CCDC112: variants seen among roughly 807,000 people sequenced by gnomAD.
CCDC112 encodes coiled-coil domain containing 112, also known as coiled-coil domain-containing protein 112.
A neutral mutation model predicts 66.3 loss-of-function variants in CCDC112; 40 were observed. That is an observed-to-expected ratio of 0.60 (90% CI 0.47 to 0.79). CCDC112 has a LOEUF of 0.79. Ranked by LOEUF, CCDC112 falls within the 30% of genes least tolerant of loss-of-function variation. CCDC112 has a pLI of 0.00. For missense variants in CCDC112, 659 were observed against 603.8 expected (o/e 1.09, Z -0.96); for synonymous variants, 214 against 197.2 (o/e 1.09, Z -0.71).
intron 2 of CCDC112, among the ~76,000 whole-genome samples, chr5:115,281,101 G>A (rs571150500): frequency 1.3e-5 from 2 of 150,780 alleles, no homozygotes; most frequent in African/African-American, 4.9e-5. Flanking sequence ...TCAGCTCACT[G>A]TAACCTCCGC....
chr5:115,288,138 G>A (rs1749762798), intron 1 of CCDC112, among the ~76,000 whole-genome samples: 2 of 151,944 alleles, frequency 1.3e-5, no homozygotes, highest in African/African-American at 2.4e-5. Flanking sequence ...CCACCACCAC[G>A]CCCAGCTAAT....
chr5:115,269,525 A>C, intron 8 of CCDC112, 178 bp downstream of exon 8: 1 of 533,342 alleles, frequency 1.9e-6, no homozygotes, highest in Non-Finnish European at 3.3e-6. Context: ...GACAGAATTC[A>C]AATAATGGTT....
At chr5:115,269,646 C>A (rs1393342465) in intron 8 of CCDC112, 57 bp downstream of exon 8, 3 of 1,177,820 alleles carry the variant, frequency 2.5e-6, no homozygotes, top group African/African-American at 3.1e-5. Flanking sequence ...ATGTCAGTAT[C>A]CTTACAAATC....
chr5:115,284,163 T>C (rs1002002948), intron 2 of CCDC112, among the ~76,000 whole-genome samples: 8 of 151,442 alleles, frequency 5.3e-5, no homozygotes, highest in Non-Finnish European at 8.8e-5. Context: ...TCTTCCTTAG[T>C]GAGATCACAC....
At chr5:115,296,387 C>A in intron 1 of CCDC112, 40 bp downstream of exon 1, 1 of 1,546,074 alleles carries the variant, frequency 6.5e-7, no homozygotes, top group Non-Finnish European at 8.6e-7. Flanking sequence ...TGCAGCCCCT[C>A]GCCTGCCGCC....
At chr5:115,281,601 GA>G (rs1749460815) in intron 2 of CCDC112, among the ~76,000 whole-genome samples, 1 of 152,142 alleles carries the variant, frequency 6.6e-6, no homozygotes, top group Non-Finnish European at 1.5e-5. Context: ...ATGATAAAAA[GA>G]AACGTCTGCC....
At chr5:115,276,145 T>A in intron 4 of CCDC112, 76 bp from the exon 5 acceptor site, 2 of 1,001,520 alleles carry the variant, frequency 2.0e-6, no homozygotes, top group Non-Finnish European at 1.5e-6. Context: ...GAAGAAAAAG[T>A]GGAATGTTCT....
intron 1 of CCDC112, 81 bp from the exon 2 acceptor site, chr5:115,284,989 T>G: frequency 7.6e-7 from 1 of 1,321,790 alleles, no homozygotes; most frequent in Non-Finnish European, 1.1e-6. Context: ...AGATAAAATG[T>G]CAATAGTTGA....
intron 1 of CCDC112, among the ~76,000 whole-genome samples, chr5:115,292,986 C>T (rs1749998744): frequency 6.6e-6 from 1 of 152,226 alleles, no homozygotes; most frequent in Non-Finnish European, 1.5e-5. Flanking sequence ...GTAACAAACT[C>T]ACCATAAGTG....
At position 115,278,882 on chromosome 5, in the gene CCDC112, A is replaced by G. The variant is rs561716133; in HGVS notation, c.361+765T>C. Among the ~76,000 whole-genome samples the G allele has an allele frequency of 1.8e-4, 27 of 152,324 alleles. No homozygotes were observed. In the South Asian group the frequency reaches 2.5e-3, roughly 14 times the overall value. ...TCTCATCTCTACATAGTAAGTCTTA[A>G]TATTTTATAAAGCTTAGTTATTTGA... is the stretch of plus-strand genomic sequence containing the variant. On this transcript the variant is annotated intron_variant, in intron 3 of 9. Transcript: ENST00000379611.
chr5:115,283,524 T>C (rs1197818737), intron 2 of CCDC112, among the ~76,000 whole-genome samples: 1 of 152,164 alleles, frequency 6.6e-6, no homozygotes, highest in African/African-American at 2.4e-5. Flanking sequence ...GTTAATTAGC[T>C]TGATTGTGGT....
In CCDC112 at chr5:115,271,532, T is replaced by C. The variant is rs1369360499; in HGVS notation, c.1013A>G (p.Asn338Ser). Residue 338 changes from asparagine to serine, a missense_variant, in exon 7 of 10, where the codon AAT becomes AGT. By Grantham distance (46) the Asn-to-Ser change is conservative. Coordinates refer to ENST00000379611, the MANE Select transcript of CCDC112 (RefSeq NM_001040440.3). ...TTGCTTTTGATTATCCTCTTGTTTATTATGAAAAAGCACAGGTGTGTTGTC... is the reference window on the plus strand; with the variant it reads ...TTGCTTTTGATTATCCTCTTGTTTACTATGAAAAAGCACAGGTGTGTTGTC... The part of the protein sequence containing the change: ...KADNTPVLFH[N>S]KQEDNQKQKE... The C allele has an allele frequency of 1.2e-6, 2 of 1,610,674 alleles. No homozygotes were observed. Among genetic ancestry groups the C allele is most frequent in the East Asian group, 2.2e-5 (1 of 44,766 alleles).
chr5:115,292,551 C>CG (rs1223273107), intron 1 of CCDC112, among the ~76,000 whole-genome samples: 1 of 152,178 alleles, frequency 6.6e-6, no homozygotes, highest in Non-Finnish European at 1.5e-5. Context: ...TACTTTCTTG[C>CG]CGTGTCTCAT....
chr5:115,296,457 G>T lies in CCDC112; in HGVS notation c.87C>A (p.Thr29=), dbSNP rs1287824101. ...AVAGAGAATG[T]GVGATPAPQQ... Reference sequence around the variant, plus strand: ...GAGGCGCTGGCGTCGCTCCCACGCCGGTCCCGGTGGCCGCGCCCGCCCCTG... The same window carrying T: ...GAGGCGCTGGCGTCGCTCCCACGCCTGTCCCGGTGGCCGCGCCCGCCCCTG... Residue 29 remains threonine (T), a synonymous_variant, in exon 1 of 10, where the codon ACC becomes ACA. Coordinates refer to ENST00000379611, the MANE Select transcript of CCDC112 (RefSeq NM_001040440.3). 1 of 1,563,014 alleles carries T rather than the reference G, an allele frequency of 6.4e-7. No homozygotes were observed. Among genetic ancestry groups the T allele is most frequent in the Non-Finnish European group, 8.6e-7 (1 of 1,162,000 alleles).
chr5:115,294,960 C>CT (rs1405309414), intron 1 of CCDC112, among the ~76,000 whole-genome samples: 3 of 152,144 alleles, frequency 2.0e-5, no homozygotes, highest in Admixed American at 2.0e-4. Context: ...TCTGCTTTCC[C>CT]TACTAAAGTG....
chr5:115,287,852 T>C (rs571675667), intron 1 of CCDC112, among the ~76,000 whole-genome samples: 129 of 152,190 alleles, frequency 8.5e-4, no homozygotes, highest in Admixed American at 3.1e-3. Context: ...TCTGCTTTTT[T>C]CTTTTATTTT....
intron 6 of CCDC112, among the ~76,000 whole-genome samples, chr5:115,274,688 G>C (rs1454331643): frequency 6.6e-6 from 1 of 152,112 alleles, no homozygotes; most frequent in Non-Finnish European, 1.5e-5. Flanking sequence ...AGACATGTTT[G>C]GCTATGAGGA....
chr5:115,272,969 CA>C (rs1749069915), intron 6 of CCDC112, among the ~76,000 whole-genome samples: 1 of 152,132 alleles, frequency 6.6e-6, no homozygotes, highest in Non-Finnish European at 1.5e-5. Flanking sequence ...TTGAACTAAA[CA>C]GTGCTCACTG....
intron 1 of CCDC112, among the ~76,000 whole-genome samples, chr5:115,288,673 T>G (rs1236727709): frequency 6.6e-6 from 1 of 152,210 alleles, no homozygotes; most frequent in East Asian, 1.9e-4. Flanking sequence ...ACACTTAGTA[T>G]TAGAAGATAT....
Sources: gnomAD v4.1 joint callset for allele counts (sites outside exome capture counted in the v4.1 genomes callset) on GRCh38, gnomAD v4.1.1 for gene constraint, MANE v1.5 for transcripts, NCBI Gene and HGNC (gene_info 2026-07-23, HGNC 2026-07-21) for gene names.